ANKS1B: variants seen among roughly 807,000 people sequenced by gnomAD.
ANKS1B encodes the protein ankyrin repeat and sterile alpha motif domain containing 1B, also known as ankyrin repeat and sterile alpha motif domain-containing protein 1B.
A neutral mutation model predicts 148.3 loss-of-function variants in ANKS1B; 36 were observed. The ratio of observed to expected loss-of-function variants is 0.24; its 90% confidence interval spans 0.19 to 0.32. ANKS1B has a LOEUF of 0.32. Ranked by LOEUF, ANKS1B falls within the 10% of genes least tolerant of loss-of-function variation. The pLI, the probability that ANKS1B is intolerant of heterozygous loss-of-function variation, is 1.00. For missense variants in ANKS1B, 1,157 were observed against 1,542.6 expected, an observed-to-expected ratio of 0.75 and a Z score of 4.19; for synonymous variants, 542 against 560.8, an observed-to-expected ratio of 0.97 and a Z score of 0.47.
intron 25 of ANKS1B, among the ~76,000 whole-genome samples, chr12:98,768,755 G>A (rs1338908208): frequency 6.7e-5 from 10 of 149,540 alleles, no homozygotes; most frequent in Non-Finnish European, 1.5e-4. Context: ...AAAAAAAATG[G>A]CTACCATGGC....
At chr12:99,159,985 A>C (rs750647200) in intron 14 of ANKS1B, among the ~76,000 whole-genome samples, 8 of 152,194 alleles carry the variant, frequency 5.3e-5, no homozygotes, top group Non-Finnish European at 1.0e-4. Flanking sequence ...AGTGACGTTA[A>C]GCATTGTTTC....
chr12:98,952,966 C>T (rs1261648514), intron 17 of ANKS1B, among the ~76,000 whole-genome samples: 1 of 152,032 alleles, frequency 6.6e-6, no homozygotes. Flanking sequence ...TCAAGTGATC[C>T]TCCTGCCTCA....
intron 9 of ANKS1B, among the ~76,000 whole-genome samples, chr12:99,573,361 T>A (rs373818233): frequency 2.6e-5 from 4 of 152,102 alleles, no homozygotes; most frequent in Non-Finnish European, 4.4e-5. Context: ...CATTGACATA[T>A]GAGATGATTG....
chr12:98,770,755 G>C (rs1039897353), intron 25 of ANKS1B, among the ~76,000 whole-genome samples: 2 of 152,198 alleles, frequency 1.3e-5, no homozygotes, highest in Admixed American at 6.5e-5. Context: ...AGCTGGTATA[G>C]ATTTTGGATT....
rs62812561 is a variant in ANKS1B at position 99,050,690 on chromosome 12, C to CTTTTTTT, written c.2778+2460_2778+2466dup. 3.6e-3 allele frequency among the ~76,000 whole-genome samples: 407 copies of CTTTTTTT among 113,408 alleles called. 1 individual carries two copies. The highest frequency in any genetic ancestry group is 4.1e-3 in the Non-Finnish European group (237 of 58,042). The allele number at this position is 113,408 out of a possible 152,430, so 74.4% of individuals were successfully genotyped here. On this transcript the variant is annotated intron_variant, in intron 17 of 26. Coordinates refer to ENST00000683438, the MANE Select transcript of ANKS1B (RefSeq NM_001352186.2). The stretch of plus-strand genomic sequence containing the variant: ...AGACCAGTTTTCTTTTTTTCTTTTT[C>CTTTTTTT]TTTTTTTTTTTTTTTTTTTGAGACA...
At chr12:99,754,609 T>C (rs911261373) in intron 8 of ANKS1B, among the ~76,000 whole-genome samples, 13 of 152,112 alleles carry the variant, frequency 8.5e-5, no homozygotes, top group African/African-American at 3.1e-4. Context: ...AAAACACACC[T>C]TGGCAAATGC....
chr12:98,887,939 G>C (rs376843411), intron 17 of ANKS1B, among the ~76,000 whole-genome samples: 6 of 152,150 alleles, frequency 3.9e-5, no homozygotes, highest in East Asian at 1.9e-4. Flanking sequence ...TTTAAAAATA[G>C]CATCAGCATT....
intron 14 of ANKS1B, among the ~76,000 whole-genome samples, chr12:99,173,861 A>C (rs1374680799): frequency 6.6e-6 from 1 of 151,822 alleles, no homozygotes; most frequent in African/African-American, 2.4e-5. Flanking sequence ...TTTCTTGCCT[A>C]TCATCTACTG....
intron 1 of ANKS1B, among the ~76,000 whole-genome samples, chr12:99,955,137 G>C (rs1460176664): frequency 6.6e-6 from 1 of 152,074 alleles, no homozygotes; most frequent in Non-Finnish European, 1.5e-5. Context: ...TTCTCACTGG[G>C]GGGTCTTTAA....
intron 14 of ANKS1B, among the ~76,000 whole-genome samples, chr12:99,213,029 C>CT (rs1231569078): frequency 1.3e-5 from 2 of 152,164 alleles, no homozygotes; most frequent in Non-Finnish European, 2.9e-5. Flanking sequence ...CCAAATCTAG[C>CT]TTTTTTCCTA....
intron 25 of ANKS1B, among the ~76,000 whole-genome samples, chr12:98,768,882 A>AGG (rs5800362): frequency 9.9e-5 from 15 of 151,582 alleles, no homozygotes; most frequent in East Asian, 1.9e-4. Flanking sequence ...TAGCTTCTGT[A>AGG]GGGGGGGCTC....
intron 8 of ANKS1B, among the ~76,000 whole-genome samples, chr12:99,746,446 G>T (rs113862274): frequency 0.011 from 1,657 of 152,168 alleles, 41 homozygotes; most frequent in African/African-American, 0.037. Flanking sequence ...TTCATTGCTT[G>T]TGGCCTCAGC....
chr12:99,563,780 T>C (rs2097361780), intron 9 of ANKS1B, among the ~76,000 whole-genome samples: 1 of 152,060 alleles, frequency 6.6e-6, no homozygotes, highest in African/African-American at 2.4e-5. Context: ...TGCAATAAGG[T>C]AAATAAAGTG....
intron 8 of ANKS1B, among the ~76,000 whole-genome samples, chr12:99,696,499 T>C (rs373769480): frequency 2.6e-5 from 4 of 152,178 alleles, no homozygotes; most frequent in African/African-American, 9.6e-5. Context: ...TTTCAACAAA[T>C]GGTGCTGGAA....
chr12:99,871,856 G>C (rs768875768), intron 1 of ANKS1B, among the ~76,000 whole-genome samples: 5 of 152,104 alleles, frequency 3.3e-5, no homozygotes, highest in Non-Finnish European at 7.4e-5. Flanking sequence ...TCACCAGCAA[G>C]GAGAGACAGT....
chr12:99,696,502 T>C (rs2053941423), intron 8 of ANKS1B, among the ~76,000 whole-genome samples: 2 of 152,098 alleles, frequency 1.3e-5, no homozygotes, highest in Admixed American at 1.3e-4. Flanking sequence ...CAACAAATGG[T>C]GCTGGAACAA....
rs76013045 is a variant in ANKS1B, at chr12:99,146,700, C to T, written c.2526+7589G>A. 3.8e-3 allele frequency among the ~76,000 whole-genome samples: 581 copies of T among 152,274 alleles called. 23 individuals are homozygous for T. The East Asian group carries it at 0.081, about 21-fold the overall frequency. ...AGAAACCCTTCATGTAGCCACCTGC[C>T]TGATCTCCTCACTCCCTTTCTCCTG... is the stretch of plus-strand genomic sequence containing the variant. On this transcript the variant is annotated intron_variant, in intron 15 of 26. Coordinates refer to ENST00000683438, the MANE Select transcript of ANKS1B (RefSeq NM_001352186.2).
At chr12:99,865,885 G>A (rs117411306) in intron 1 of ANKS1B, among the ~76,000 whole-genome samples, 1 of 151,826 alleles carries the variant, frequency 6.6e-6, no homozygotes, top group South Asian at 2.1e-4. Context: ...TTTCATTTTA[G>A]AGAATTCCCT....
chr12:98,788,677 T>A (rs991365557), intron 22 of ANKS1B, among the ~76,000 whole-genome samples: 5 of 152,184 alleles, frequency 3.3e-5, no homozygotes, highest in African/African-American at 1.2e-4. Flanking sequence ...AGCGGTGCCC[T>A]CCGTTTCTAT....
Sources: gnomAD v4.1 joint callset for allele counts (sites outside exome capture counted in the v4.1 genomes callset) on GRCh38, gnomAD v4.1.1 for gene constraint, MANE v1.5 for transcripts, NCBI Gene and HGNC (gene_info 2026-07-23, HGNC 2026-07-21) for gene names.